SNX17: variants seen among roughly 807,000 people sequenced by gnomAD.
The protein encoded by SNX17 is sorting nexin 17, also known as sorting nexin-17.
In SNX17, 35 loss-of-function variants were observed where a neutral mutation model predicts 64.3. The ratio of observed to expected loss-of-function variants is 0.54; its 90% confidence interval spans 0.42 to 0.72. The LOEUF (loss-of-function observed/expected upper bound fraction) is 0.72, where lower values mean the gene tolerates loss of function less well. Ranked by LOEUF, SNX17 falls within the 30% of genes least tolerant of loss-of-function variation. SNX17 has a pLI of 0.00. For synonymous variants in SNX17, 259 were observed against 230.2 expected, an observed-to-expected ratio of 1.13 and a Z score of -1.13; for missense variants, 538 against 610.0, an observed-to-expected ratio of 0.88 and a Z score of 1.24.
chr2:27,376,059 C>T, intron 11 of SNX17, 47 bp from the exon 12 acceptor site: 1 of 1,613,544 alleles, frequency 6.2e-7, no homozygotes, highest in South Asian at 1.1e-5. Flanking sequence ...TGGTGCTGGG[C>T]TCAGAGTGAC....
chr2:27,372,762 G>C (rs1682764619), intron 3 of SNX17, 22 bp downstream of exon 3: 2 of 1,614,054 alleles, frequency 1.2e-6, no homozygotes, highest in Non-Finnish European at 1.7e-6. Flanking sequence ...CAGGAAACTA[G>C]GTTGACTATA....
chr2:27,377,523 A>C lies in SNX17; in HGVS notation c.*804A>C, dbSNP rs1337360818. 3 of 1,612,930 alleles carry C rather than the reference A, an allele frequency of 1.9e-6. No individual in the cohort carries two copies. Among genetic ancestry groups the C allele is most frequent in the Admixed American group, 1.7e-5 (1 of 60,012 alleles). On this transcript the variant is annotated 3_prime_UTR_variant, in exon 15 of 15. Coordinates refer to ENST00000233575, the MANE Select transcript of SNX17 (RefSeq NM_014748.4). This position sits in a 1 kb window ranked among gnomAD's most constrained non-coding sequence, Gnocchi z 4.4. The stretch of plus-strand genomic sequence containing the variant: ...GTGGCTTCTGGTCCGTCTGTATAAA[A>C]CATGGGGAAGAAGGACCTAGTTCAG...
In SNX17 at chr2:27,376,835, C is replaced by T. The variant is rs1224487784; in HGVS notation, c.*116C>T. On this transcript the variant is annotated 3_prime_UTR_variant, in exon 15 of 15. Coordinates refer to ENST00000233575, the MANE Select transcript of SNX17 (RefSeq NM_014748.4). ...TCTTTTCCTTCTTCTTTCCTACCTA[C>T]CCCTTTTCTCTTGGCCAGGGGCCTC... The T allele has an allele frequency of 4.8e-6, 4 of 828,374 alleles. No individual in the cohort carries two copies. Among genetic ancestry groups the T allele is most frequent in the African/African-American group, 1.7e-5 (1 of 58,844 alleles). The allele number at this position is 828,374 out of a possible 1,614,324, so 51.3% of individuals were successfully genotyped here.
rs764793794 is a variant in SNX17, at chr2:27,376,517, C to G, written c.1296C>G (p.Leu432=). ...PDATRESMVK[L]SSKLSAVSLR... is the part of the protein sequence containing the mutation. The stretch of plus-strand genomic sequence containing the variant: ...CCACCCGGGAGTCTATGGTCAAACT[C>G]TCAGTGAGTTCCAGCGTTGGTGAGG... The change falls in exon 14 of 15, where the codon CTC becomes CTG. Residue 432 remains leucine (L), a synonymous_variant. Transcript: ENST00000233575. 1.5e-5 allele frequency: 24 copies of G among 1,614,212 alleles called. No homozygotes were observed. The East Asian group carries it at 5.1e-4, about 34-fold the overall frequency.
In SNX17 at chr2:27,377,289, G is replaced by A. The variant is rs1558309633; in HGVS notation, c.*570G>A. 1 of 633,786 alleles carries A rather than the reference G, an allele frequency of 1.6e-6. No individual in the cohort carries two copies. The highest frequency in any genetic ancestry group is 1.7e-5 in the South Asian group (1 of 57,876). 39.3% of individuals were successfully genotyped at this position (633,786 alleles called of 1,614,324 possible). Reference sequence around the variant, plus strand: ...CTGAAATAAGTTAAATAAACAGGTGGGAGGCTGGGCAGTCCCCCAGCCGGT... The same window carrying A: ...CTGAAATAAGTTAAATAAACAGGTGAGAGGCTGGGCAGTCCCCCAGCCGGT... On this transcript the variant is annotated 3_prime_UTR_variant, in exon 15 of 15. Transcript: ENST00000233575. This position sits in a 1 kb window ranked among gnomAD's most constrained non-coding sequence, Gnocchi z 4.4.
chr2:27,373,379 T>A (rs746421391), intron 4 of SNX17, 68 bp downstream of exon 4: 49 of 1,538,226 alleles, frequency 3.2e-5, no homozygotes, highest in Non-Finnish European at 4.2e-5. Context: ...TTTTATTTTT[T>A]TGAGACAGAG....
chr2:27,372,441 A>G (rs898644240), intron 2 of SNX17, among the ~76,000 whole-genome samples, 182 bp from the exon 3 acceptor site: 11 of 152,184 alleles, frequency 7.2e-5, no homozygotes, highest in Non-Finnish European at 1.6e-4. Context: ...ACTTATATCT[A>G]GGACAGCTCC....
Position 27,371,347 on chromosome 2 carries a change from G to C in SNX17, c.138+4G>C, listed in dbSNP as rs1682508430. On this transcript the variant is annotated splice_donor_region_variant and intron_variant, in intron 2 of 14. Coordinates refer to ENST00000233575, the MANE Select transcript of SNX17 (RefSeq NM_014748.4). Reference sequence around the variant, plus strand: ...GCTCCTGGGGCTGCACGAGCAGGTGGGACTAGCACCCCTGCCTTGAGACAG... The same window carrying C: ...GCTCCTGGGGCTGCACGAGCAGGTGCGACTAGCACCCCTGCCTTGAGACAG... 6.2e-7 allele frequency: 1 copy of C among 1,609,766 alleles called. No homozygotes were observed. Among genetic ancestry groups the C allele is most frequent in the Admixed American group, 1.7e-5 (1 of 59,670 alleles).
In SNX17 at chr2:27,373,036, C is replaced by T. The variant is rs758945200; in HGVS notation, c.257-211C>T. 118 of 1,545,908 alleles carry T rather than the reference C, an allele frequency of 7.6e-5. 1 individual carries two copies. Among genetic ancestry groups the T allele is most frequent in the Non-Finnish European group, 1.0e-4 (115 of 1,143,616 alleles). ...TTAGATTAACATCATTGTTATTTCC[C>T]TAGTTCTATAGACTGGACTCACCTA... is the stretch of plus-strand genomic sequence containing the variant. On this transcript the variant is annotated intron_variant, in intron 3 of 14. Transcript: ENST00000233575.
At position 27,375,604 on chromosome 2, in the gene SNX17, C is replaced by T. The variant is rs147391609; in HGVS notation, c.873C>T (p.Ser291=). Residue 291 remains serine (S), a synonymous_variant, in exon 10 of 15, where the codon AGC becomes AGT. Coordinates refer to ENST00000233575, the MANE Select transcript of SNX17 (RefSeq NM_014748.4). This position sits in a 1 kb window ranked among gnomAD's most constrained non-coding sequence, Gnocchi z 4.1. ...AAAAGGACTGTCCTGTGGTGGTGAG[C>T]GCGGGCAACAGTGAGCTCAGCCTGC... is the stretch of plus-strand genomic sequence containing the variant. ...FPEKDCPVVV[S]AGNSELSLQL... is the part of the protein sequence containing the mutation. The T allele has an allele frequency of 1.5e-3, 2,389 of 1,614,162 alleles. 3 individuals carry two copies. The highest frequency in any genetic ancestry group is 1.9e-3 in the Non-Finnish European group (2,203 of 1,180,022).
At chr2:27,370,915 T>A in intron 1 of SNX17, 109 bp downstream of exon 1, 1 of 1,266,970 alleles carries the variant, frequency 7.9e-7, no homozygotes, top group Non-Finnish European at 1.1e-6. Flanking sequence ...GGCCTGGTCC[T>A]GGGCCGCCGA....
Position 27,376,861 on chromosome 2 carries a change from G to T in SNX17, c.*142G>T, listed in dbSNP as rs954724069. ...CCCTTTTCTCTTGGCCAGGGGCCTC[G>T]TATCCTACCTTTCCTTGTCCCCTGG... On this transcript the variant is annotated 3_prime_UTR_variant, in exon 15 of 15. Coordinates refer to ENST00000233575, the MANE Select transcript of SNX17 (RefSeq NM_014748.4). The T allele has an allele frequency of 3.4e-5, 23 of 670,968 alleles. No homozygotes were observed. The highest frequency in any genetic ancestry group is 1.1e-4 in the South Asian group (6 of 53,832). 41.6% of individuals were successfully genotyped at this position (670,968 alleles called of 1,614,324 possible).
rs1682890857 is a variant in SNX17 at position 27,373,943 on chromosome 2, C to G, written c.404C>G (p.Thr135Ser). 6.2e-7 allele frequency: 1 copy of G among 1,614,202 alleles called. No individual in the cohort carries two copies. The highest frequency in any genetic ancestry group is 8.5e-7 in the Non-Finnish European group (1 of 1,180,006). Residue 135 changes from threonine (T) to serine (S), a missense_variant, in exon 5 of 15, where the codon ACT becomes AGT. By Grantham distance (58) the Thr-to-Ser change is moderately conservative (BLOSUM62 1). Around this residue, in one of 3 missense-constraint regions of SNX17, gnomAD observed 505 missense variants for 550.4 expected, o/e 0.92. Transcript: ENST00000233575. ...NGQKVLVNVL[T>S]SDQTEDVLEA... ...CAGAAAGTTCTGGTCAACGTGCTAACTTCAGATCAGACTGAGGATGTCCTG... is the reference window on the plus strand; with the variant it reads ...CAGAAAGTTCTGGTCAACGTGCTAAGTTCAGATCAGACTGAGGATGTCCTG...
chr2:27,376,215 AG>A (rs769069761), intron 12 of SNX17, 32 bp downstream of exon 12: 27 of 1,613,392 alleles, frequency 1.7e-5, no homozygotes, highest in Non-Finnish European at 2.2e-5. Flanking sequence ...AGCAGTGAGC[AG>A]GTGTGCTCCC....
At position 27,376,318 on chromosome 2, in the gene SNX17, G is replaced by A; in HGVS notation, c.1188G>A (p.Leu396=). 1.9e-6 allele frequency: 3 copies of A among 1,611,816 alleles called. No homozygotes were observed. Among genetic ancestry groups the A allele is most frequent in the Non-Finnish European group, 2.5e-6 (3 of 1,178,374 alleles). ...CACCTTGTGTCTGTCCCCAGATGCT[G>A]CGCCGGCGGGTGGGGGGTACTCTGA... ...KKSGGSIRKM[L]RRRVGGTLRR... is the part of the protein sequence containing the mutation. The change falls in exon 13 of 15, where the codon CTG becomes CTA. Residue 396 remains leucine, a synonymous_variant. Transcript: ENST00000233575.
chr2:27,375,888 C>G lies in SNX17; in HGVS notation c.1021C>G (p.Arg341Gly). Residue 341 changes from arginine (R) to glycine (G), a missense_variant, in exon 11 of 15, where the codon CGG becomes GGG. Physicochemically the swap from Arg to Gly is moderately radical, Grantham distance 125. Around this residue, in one of 3 missense-constraint regions of SNX17, gnomAD observed 505 missense variants for 550.4 expected, o/e 0.92. Transcript: ENST00000233575. This position sits in a 1 kb window ranked among gnomAD's most constrained non-coding sequence, Gnocchi z 4.1. ...AAGCACGAGCAGCCCAGGCCGGGGC[C>G]GGGGTGAGGTGCGCCTGGAACTGGC... Reference protein sequence around the residue: ...SGSTSSPGRGRGEVRLELAFE... With the variant: ...SGSTSSPGRGGGEVRLELAFE... 6.2e-7 allele frequency: 1 copy of G among 1,614,136 alleles called. No individual in the cohort carries two copies. Among genetic ancestry groups the G allele is most frequent in the South Asian group, 1.1e-5 (1 of 91,076 alleles).
At position 27,376,617 on chromosome 2, in the gene SNX17, T is replaced by G; in HGVS notation, c.1311T>G (p.Ser437Arg). ...ESMVKLSSKL[S>R]AVSLRGIGSP... ...TGCCTTTGTTACAGAGTAAGCTGAG[T>G]GCCGTGAGCTTGCGGGGAATTGGCA... Residue 437 changes from serine to arginine, a missense_variant, in exon 15 of 15, where the codon AGT (serine) becomes AGG (arginine). This residue lies in a region of SNX17 where 505 missense variants were observed against 550.4 expected (regional missense o/e 0.92). Coordinates refer to ENST00000233575, the MANE Select transcript of SNX17 (RefSeq NM_014748.4). 1 of 1,614,198 alleles carries G rather than the reference T, an allele frequency of 6.2e-7. No homozygotes were observed. Among genetic ancestry groups the G allele is most frequent in the South Asian group, 1.1e-5 (1 of 91,082 alleles).
At chr2:27,376,436 C>G in intron 13 of SNX17, 43 bp from the exon 14 acceptor site, 1 of 1,613,914 alleles carries the variant, frequency 6.2e-7, no homozygotes, top group East Asian at 2.2e-5. Context: ...CCTGCCTCAC[C>G]TCTCCTAGTG....
Position 27,373,934 on chromosome 2 carries a change from A to G in SNX17, c.395A>G (p.Asn132Ser), listed in dbSNP as rs1364834561. 3.1e-6 allele frequency: 5 copies of G among 1,614,090 alleles called. No homozygotes were observed. Among genetic ancestry groups the G allele is most frequent in the African/African-American group, 2.7e-5 (2 of 74,938 alleles). ...AGCAACGGGCAGAAAGTTCTGGTCAACGTGCTAACTTCAGATCAGACTGAG... is the reference window on the plus strand; with the variant it reads ...AGCAACGGGCAGAAAGTTCTGGTCAGCGTGCTAACTTCAGATCAGACTGAG... Reference protein sequence around the residue: ...LLSNGQKVLVNVLTSDQTEDV... With the variant: ...LLSNGQKVLVSVLTSDQTEDV... The change falls in exon 5 of 15, where the codon AAC becomes AGC. Residue 132 changes from asparagine to serine, a missense_variant. Asn to Ser is a conservative substitution (Grantham distance 46). Transcript: ENST00000233575.
Sources: gnomAD v4.1 joint callset for allele counts (sites outside exome capture counted in the v4.1 genomes callset) on GRCh38, gnomAD v4.1.1 for gene constraint, gnomAD v4.1.1 regional missense constraint, Gnocchi (gnomAD v3.1) non-coding constraint, MANE v1.5 for transcripts, NCBI Gene and HGNC (gene_info 2026-07-23, HGNC 2026-07-21) for gene names.